FSTL5: variants seen among roughly 807,000 people sequenced by gnomAD.
FSTL5 encodes follistatin-related protein 5.
Under a neutral mutation model 89.1 loss-of-function variants are expected in FSTL5, and 62 were observed. The ratio of observed to expected loss-of-function variants is 0.70; its 90% CI spans 0.57 to 0.86. FSTL5 has a LOEUF of 0.86. FSTL5 is among the 40% of genes least tolerant of loss of function. The probability of loss-of-function intolerance (pLI) is 0.00; values close to 1 mark genes in which losing one functional copy is unlikely to be tolerated. For synonymous variants in FSTL5, 383 were observed against 346.2 expected (o/e 1.11, Z -1.18); for missense variants, 1,057 against 1,001.6 (o/e 1.06, Z -0.75).
intron 4 of FSTL5, among the ~76,000 whole-genome samples, chr4:161,847,793 T>C (rs1731415771): frequency 6.6e-6 from 1 of 151,908 alleles, no homozygotes; most frequent in South Asian, 2.1e-4. Flanking sequence ...TCCGAGGACT[T>C]TGGGAGGCCA....
In FSTL5 at chr4:161,997,732, G is replaced by T. The variant is rs1049973274; in HGVS notation, c.160+35893C>A. Among the ~76,000 whole-genome samples, 15 of 151,394 alleles carry T rather than the reference G, an allele frequency of 9.9e-5. No individual in the cohort carries two copies. In the East Asian group the frequency reaches 2.9e-3, roughly 30 times the overall value. The stretch of plus-strand genomic sequence containing the variant: ...CTATTCTCCTATCTCAGCCTCCAGA[G>T]TAGCTGGGACTAAAGGCGCCCGCCA... On this transcript the variant is annotated intron_variant, in intron 3 of 15. Transcript: ENST00000306100.
At chr4:162,057,706 G>A (rs1380440328) in intron 2 of FSTL5, among the ~76,000 whole-genome samples, 2 of 152,192 alleles carry the variant, frequency 1.3e-5, no homozygotes, top group South Asian at 2.1e-4. Flanking sequence ...AACTTTGGGA[G>A]GCCGAGGTGG....
At chr4:161,634,831 CTA>C (rs1735632577) in intron 7 of FSTL5, among the ~76,000 whole-genome samples, 1 of 152,004 alleles carries the variant, frequency 6.6e-6, no homozygotes, top group Admixed American at 6.6e-5. Flanking sequence ...AGATTGGTGA[CTA>C]TAGGTAATCA....
intron 13 of FSTL5, among the ~76,000 whole-genome samples, chr4:161,461,286 T>TAAAAAA (rs1733564989): frequency 2.6e-5 from 1 of 38,756 alleles, no homozygotes; most frequent in African/African-American, 1.3e-4. Context: ...CTACTAAAAA[T>TAAAAAA]ACAAAAAAAA....
chr4:161,717,701 C>T (rs137938804), intron 6 of FSTL5, among the ~76,000 whole-genome samples: 116 of 152,074 alleles, frequency 7.6e-4, no homozygotes, highest in African/African-American at 2.3e-3. Context: ...TTGTTCTTAA[C>T]ATGAAGTTAT....
At chr4:161,717,053 T>C (rs183560993) in intron 6 of FSTL5, among the ~76,000 whole-genome samples, 124 of 152,306 alleles carry the variant, frequency 8.1e-4, no homozygotes, top group Non-Finnish European at 1.3e-3. Context: ...TCTCAATTCA[T>C]ATTTGAGGGA....
intron 7 of FSTL5, 46 bp from the exon 8 acceptor site, chr4:161,587,621 T>G (rs748297306): frequency 1.7e-5 from 25 of 1,483,578 alleles, no homozygotes; most frequent in Non-Finnish European, 2.1e-5. Flanking sequence ...TTGAATTAAT[T>G]GTAACAATTT....
intron 4 of FSTL5, among the ~76,000 whole-genome samples, chr4:161,835,159 A>G (rs537667727): frequency 6.6e-6 from 1 of 151,220 alleles, no homozygotes; most frequent in South Asian, 2.1e-4. Flanking sequence ...CATATCTACA[A>G]CTATCTGATC....
At chr4:161,860,567 C>T (rs886720737) in intron 4 of FSTL5, among the ~76,000 whole-genome samples, 1 of 152,160 alleles carries the variant, frequency 6.6e-6, no homozygotes, top group African/African-American at 2.4e-5. Context: ...TCTATGTACA[C>T]GCGATGGTAA....
intron 7 of FSTL5, among the ~76,000 whole-genome samples, chr4:161,600,119 G>T (rs1205554813): frequency 6.8e-6 from 1 of 146,636 alleles, no homozygotes; most frequent in African/African-American, 2.5e-5. Flanking sequence ...CATAGCTACA[G>T]ACATCAACAT....
At chr4:161,609,531 T>C (rs1734569243) in intron 7 of FSTL5, among the ~76,000 whole-genome samples, 1 of 152,210 alleles carries the variant, frequency 6.6e-6, no homozygotes, top group South Asian at 2.1e-4. Flanking sequence ...TTAGAGATGA[T>C]TATCAAACTA....
rs140196897 is a variant in FSTL5 at position 161,696,977 on chromosome 4, T to C, written c.728-40483A>G. ...GTCTGATTTTTCTGGCTAGGACTTC[T>C]AGTACTATGTTGAAGAGGAGTGGTG... On this transcript the variant is annotated intron_variant, in intron 6 of 15. Coordinates refer to ENST00000306100, the MANE Select transcript of FSTL5 (RefSeq NM_020116.5). Among the ~76,000 whole-genome samples, 14 of 152,344 alleles carry C rather than the reference T, an allele frequency of 9.2e-5. No individual in the cohort carries two copies. The East Asian group carries it at 2.7e-3, about 29-fold the overall frequency.
chr4:161,591,590 A>G (rs1733824128), intron 7 of FSTL5, among the ~76,000 whole-genome samples: 1 of 152,210 alleles, frequency 6.6e-6, no homozygotes, highest in Admixed American at 6.5e-5. Context: ...GTGAGTATGA[A>G]AAAATTAGAA....
At chr4:161,530,866 T>C (rs903851331) in intron 10 of FSTL5, among the ~76,000 whole-genome samples, 3 of 152,248 alleles carry the variant, frequency 2.0e-5, no homozygotes, top group Non-Finnish European at 4.4e-5. Flanking sequence ...GAACCTTTAT[T>C]ACCTGGGAAT....
chr4:161,851,084 T>C lies in FSTL5; in HGVS notation c.409+69320A>G, dbSNP rs536101980. Among the ~76,000 whole-genome samples the C allele has an allele frequency of 2.2e-4, 33 of 152,318 alleles. 1 individual carries two copies. The highest frequency in any genetic ancestry group is 4.1e-4 in the South Asian group (2 of 4,826). On this transcript the variant is annotated intron_variant, in intron 4 of 15. Coordinates refer to ENST00000306100, the MANE Select transcript of FSTL5 (RefSeq NM_020116.5). ...TTGAGGTTTTATTTAAGTTTCCCCATATCTCTAAAGATAACAATGATTTAA... is the reference window on the plus strand; with the variant it reads ...TTGAGGTTTTATTTAAGTTTCCCCACATCTCTAAAGATAACAATGATTTAA...
intron 4 of FSTL5, among the ~76,000 whole-genome samples, chr4:161,794,560 T>C (rs1388196636): frequency 6.6e-6 from 1 of 152,206 alleles, no homozygotes; most frequent in Non-Finnish European, 1.5e-5. Context: ...TTTAATGCCC[T>C]GTATACATAT....
intron 2 of FSTL5, among the ~76,000 whole-genome samples, chr4:162,037,426 A>G (rs1352163518): frequency 6.6e-6 from 1 of 152,018 alleles, no homozygotes; most frequent in East Asian, 1.9e-4. Flanking sequence ...TTTTAAGTGC[A>G]TGGCTTTTTG....
At chr4:161,530,269 T>C (rs1731362895) in intron 10 of FSTL5, among the ~76,000 whole-genome samples, 1 of 142,468 alleles carries the variant, frequency 7.0e-6, no homozygotes, top group Non-Finnish European at 1.5e-5. Context: ...ACTATTCATA[T>C]GTTTTTCAAT....
At chr4:161,666,538 C>T (rs1038960637) in intron 6 of FSTL5, among the ~76,000 whole-genome samples, 1 of 152,090 alleles carries the variant, frequency 6.6e-6, no homozygotes, top group South Asian at 2.1e-4. Context: ...TTAGCCATAT[C>T]CCTTGTAGAA....
Sources: gnomAD v4.1 joint callset for allele counts (sites outside exome capture counted in the v4.1 genomes callset) on GRCh38, gnomAD v4.1.1 for gene constraint, MANE v1.5 for transcripts, NCBI Gene and HGNC (gene_info 2026-07-23, HGNC 2026-07-21) for gene names.